The following KLRG1 variants were observed in gnomAD, a reference collection of about 807,000 sequenced individuals.
KLRG1 encodes killer cell lectin-like receptor subfamily G member 1.
In KLRG1, 16 loss-of-function variants were observed where a neutral mutation model predicts 21.8. The observed-to-expected ratio is 0.73, with a 90% CI of 0.50 to 1.11. The LOEUF is 1.11. Ranked by LOEUF, KLRG1 falls within the 50% of genes most tolerant of loss-of-function variation. The probability of loss-of-function intolerance (pLI) is 0.00; values close to 1 mark genes in which losing one functional copy is unlikely to be tolerated. For synonymous variants in KLRG1, 69 were observed against 75.9 expected (o/e 0.91, Z 0.47); for missense variants, 173 against 218.3 (o/e 0.79, Z 1.31).
the KLRG1 span, chr12:9,181,944 T>A: frequency 6.2e-7 from 1 of 1,606,620 alleles, no homozygotes; most frequent in Non-Finnish European, 8.5e-7. Flanking sequence ...CATTTATTTG[T>A]GTTCTTTTAA....
chr12:9,107,347 C>T, the KLRG1 span, among the ~76,000 whole-genome samples: 10 of 152,110 alleles, frequency 6.6e-5, no homozygotes, highest in African/African-American at 1.7e-4. Context: ...TGGGCAATTA[C>T]GAGAAATAAA....
the KLRG1 span, chr12:9,066,490 C>T: frequency 3.3e-5 from 5 of 152,440 alleles, no homozygotes; most frequent in Non-Finnish European, 5.9e-5. Context: ...ACAGTGGCCA[C>T]GCTTGCTCAC....
chr12:9,174,564 A>G, the KLRG1 span, among the ~76,000 whole-genome samples: 52,876 of 151,952 alleles, frequency 0.35, 9,820 homozygotes, highest in Non-Finnish European at 0.42. Flanking sequence ...AGAAAACCCC[A>G]TTATCTCAGT....
chr12:8,985,328 C>T (rs1565543276), upstream of KLRG1, among the ~76,000 whole-genome samples: 1 of 152,116 alleles, frequency 6.6e-6, no homozygotes, highest in Non-Finnish European at 1.5e-5. Context: ...TCTGCTTTCA[C>T]ACCAGCACTA....
the KLRG1 span, chr12:9,200,382 T>C: frequency 6.2e-5 from 99 of 1,608,422 alleles, no homozygotes; most frequent in African/African-American, 1.1e-3. Flanking sequence ...GACTGTTATG[T>C]TCACTTTTTC....
intron 3 of KLRG1, among the ~76,000 whole-genome samples, chr12:9,004,209 G>A (rs929734476): frequency 3.9e-5 from 6 of 152,160 alleles, no homozygotes; most frequent in Non-Finnish European, 7.3e-5. Flanking sequence ...AGTCCTTTGG[G>A]AATATACCCA....
chr12:8,966,490 A>G (rs1488612011), intron 1 of KLRG1, among the ~76,000 whole-genome samples: 1 of 152,174 alleles, frequency 6.6e-6, no homozygotes, highest in Non-Finnish European at 1.5e-5. Flanking sequence ...ACAAATTTAC[A>G]AGAAAAAAAC....
At chr12:9,151,665 C>CT in the KLRG1 span, 2 of 1,613,500 alleles carry the variant, frequency 1.2e-6, no homozygotes, top group Non-Finnish European at 1.7e-6. Flanking sequence ...AGAGCTAGAT[C>CT]TTTCAAGCTG....
chr12:8,989,802 AG>A, intron 1 of KLRG1, 85 bp downstream of exon 1: 1 of 755,272 alleles, frequency 1.3e-6, no homozygotes, highest in Admixed American at 2.4e-5. Flanking sequence ...TTTAAAGCAG[AG>A]GGTGCAGAAG....
the KLRG1 span, among the ~76,000 whole-genome samples, chr12:9,177,087 C>T: frequency 6.6e-5 from 10 of 152,174 alleles, no homozygotes; most frequent in Non-Finnish European, 1.0e-4. Context: ...TAATCTCTGC[C>T]TCCTGGTATT....
chr12:9,152,825 T>C, the KLRG1 span: 1 of 1,614,042 alleles, frequency 6.2e-7, no homozygotes, highest in Non-Finnish European at 8.5e-7. Flanking sequence ...ACGTCTTACC[T>C]GATGGTCAGT....
the KLRG1 span, chr12:9,208,208 A>G: frequency 7.1e-7 from 1 of 1,417,914 alleles, no homozygotes; most frequent in Non-Finnish European, 1.0e-6. Flanking sequence ...CGAAGACACA[A>G]GGGAGAGACT....
chr12:9,038,634 A>G, the KLRG1 span, among the ~76,000 whole-genome samples: 60 of 152,308 alleles, frequency 3.9e-4, no homozygotes, highest in African/African-American at 1.4e-3. Context: ...CCAGAGAACA[A>G]TAGTACCAGA....
chr12:9,154,787 A>T, the KLRG1 span: 7 of 1,614,116 alleles, frequency 4.3e-6, no homozygotes, highest in Admixed American at 1.2e-4. Context: ...TTTGGTAAAG[A>T]TGCCCCACTG....
the KLRG1 span, among the ~76,000 whole-genome samples, chr12:9,133,123 T>G: frequency 1.3e-5 from 2 of 152,176 alleles, no homozygotes; most frequent in Non-Finnish European, 2.9e-5. Context: ...GTGCTGGGTT[T>G]GTTGCTAATA....
chr12:9,007,927 T>A (rs2137439654), intron 3 of KLRG1, among the ~76,000 whole-genome samples: 1 of 152,366 alleles, frequency 6.6e-6, no homozygotes, highest in South Asian at 2.1e-4. Context: ...TTTTAATCTA[T>A]TTTAATCTTT....
chr12:9,200,298 G>A, the KLRG1 span: 3 of 1,072,154 alleles, frequency 2.8e-6, no homozygotes, highest in Non-Finnish European at 4.1e-6. Context: ...TTATAATTTT[G>A]TACCTACATA....
chr12:9,097,637 T>C, the KLRG1 span, among the ~76,000 whole-genome samples: 1 of 149,602 alleles, frequency 6.7e-6, no homozygotes, highest in Non-Finnish European at 1.5e-5. Flanking sequence ...TAATTCTTTT[T>C]TTTTTTTTTT....
At chr12:9,076,897 C>T in the KLRG1 span, 1 of 1,609,450 alleles carries the variant, frequency 6.2e-7, no homozygotes, top group Non-Finnish European at 8.5e-7. Flanking sequence ...GTCTTCCAGG[C>T]TGACTCCAGG....
Sources: allele counts gnomAD v4.1 joint callset (sites outside exome capture counted in the v4.1 genomes callset), GRCh38; gene constraint gnomAD v4.1.1; transcripts MANE v1.5; gene names NCBI Gene and HGNC (gene_info 2026-07-23, HGNC 2026-07-21).